The following UBAC2 variants were observed in gnomAD, a reference collection of about 807,000 sequenced individuals.
The protein encoded by UBAC2 is ubiquitin-associated domain-containing protein 2.
UBAC2 carries 26 observed loss-of-function variants against 44.0 expected under a neutral mutation model. The observed-to-expected ratio is 0.59, with a 90% CI of 0.43 to 0.82. The LOEUF is 0.82. UBAC2 is among the 40% of genes least tolerant of loss of function. UBAC2 has a pLI of 0.00. For missense variants in UBAC2, 329 were observed against 419.4 expected, an observed-to-expected ratio of 0.78 and a Z score of 1.88; for synonymous variants, 155 against 154.3, an observed-to-expected ratio of 1.00 and a Z score of -0.04.
At chr13:99,349,683 A>G (rs1198791531) in intron 7 of UBAC2, among the ~76,000 whole-genome samples, 1 of 152,232 alleles carries the variant, frequency 6.6e-6, no homozygotes, top group Non-Finnish European at 1.5e-5. Context: ...TGCACTTATA[A>G]GAAAGATCAA....
intron 7 of UBAC2, among the ~76,000 whole-genome samples, chr13:99,344,168 G>T (rs528423221): frequency 3.3e-5 from 5 of 152,304 alleles, no homozygotes; most frequent in Admixed American, 3.3e-4. Flanking sequence ...AGAGATGCAG[G>T]TATTCCCTCA....
chr13:99,223,017 A>G (rs2043067575), intron 1 of UBAC2, among the ~76,000 whole-genome samples: 1 of 152,166 alleles, frequency 6.6e-6, no homozygotes, highest in South Asian at 2.1e-4. Flanking sequence ...CAATTTCATA[A>G]TATCTGTAGG....
chr13:99,200,886 G>C lies in UBAC2; in HGVS notation c.-23G>C. 1.5e-6 allele frequency: 2 copies of C among 1,302,722 alleles called. No individual in the cohort carries two copies. Among genetic ancestry groups the C allele is most frequent in the Non-Finnish European group, 2.0e-6 (2 of 1,017,314 alleles). 80.7% of individuals were successfully genotyped at this position (1,302,722 alleles called of 1,614,324 possible). A position where few individuals can be genotyped will look rare whatever the true frequency, so the allele number is the denominator to read the frequency against. ...AGCTTCCCCTCCCCCGGCGCCCTCT[G>C]GGGCTCCGAGCCCGGCGGGACCATG... On this transcript the variant is annotated 5_prime_UTR_variant, in exon 1 of 9. Coordinates refer to ENST00000403766, the MANE Select transcript of UBAC2 (RefSeq NM_001144072.2).
intron 7 of UBAC2, among the ~76,000 whole-genome samples, chr13:99,366,981 A>C (rs2138893749): frequency 6.6e-6 from 1 of 152,378 alleles, no homozygotes; most frequent in East Asian, 1.9e-4. Flanking sequence ...TCAGGACTAG[A>C]AGACTTCTAG....
intron 4 of UBAC2, among the ~76,000 whole-genome samples, chr13:99,312,148 A>G (rs912819105): frequency 2.0e-5 from 3 of 152,246 alleles, no homozygotes; most frequent in African/African-American, 7.2e-5. Flanking sequence ...TGTTTTTAAC[A>G]GTAGAATTGA....
At chr13:99,202,919 GCA>G (rs2042822645) in intron 1 of UBAC2, among the ~76,000 whole-genome samples, 2 of 152,194 alleles carry the variant, frequency 1.3e-5, no homozygotes, top group African/African-American at 4.8e-5. Flanking sequence ...CGGAGCTTAG[GCA>G]CAGTTTTCCA....
At chr13:99,324,173 T>C (rs1405299717) in intron 6 of UBAC2, among the ~76,000 whole-genome samples, 1 of 152,206 alleles carries the variant, frequency 6.6e-6, no homozygotes, top group Non-Finnish European at 1.5e-5. Flanking sequence ...CAGACACTTG[T>C]GGTAGATTTT....
At chr13:99,363,760 AG>A (rs1028931932) in intron 7 of UBAC2, among the ~76,000 whole-genome samples, 4 of 152,200 alleles carry the variant, frequency 2.6e-5, no homozygotes, top group Admixed American at 6.5e-5. Context: ...TTTTTTCCAA[AG>A]GGGGAAAATG....
At chr13:99,283,578 C>T (rs1013908026) in intron 4 of UBAC2, among the ~76,000 whole-genome samples, 2 of 152,068 alleles carry the variant, frequency 1.3e-5, no homozygotes, top group Admixed American at 6.6e-5. Flanking sequence ...GTTGCTATTG[C>T]TGTGTTCTAC....
intron 1 of UBAC2, among the ~76,000 whole-genome samples, chr13:99,207,085 G>A (rs976471554): frequency 3.9e-5 from 6 of 152,326 alleles, no homozygotes; most frequent in Middle Eastern, 3.4e-3. Context: ...AGCCTGGCAC[G>A]TGGTTACAGC....
chr13:99,213,099 C>G (rs746746536), intron 1 of UBAC2, among the ~76,000 whole-genome samples: 3 of 151,920 alleles, frequency 2.0e-5, no homozygotes, highest in Admixed American at 6.6e-5. Flanking sequence ...CATGTATATA[C>G]ATATACATAT....
At chr13:99,228,917 G>A (rs2043142816) in intron 1 of UBAC2, among the ~76,000 whole-genome samples, 1 of 152,230 alleles carries the variant, frequency 6.6e-6, no homozygotes, top group Admixed American at 6.5e-5. Flanking sequence ...GCTTAGACAA[G>A]TACAATAACC....
intron 8 of UBAC2, among the ~76,000 whole-genome samples, chr13:99,381,836 A>G (rs2045555567): frequency 6.6e-6 from 1 of 152,208 alleles, no homozygotes; most frequent in African/African-American, 2.4e-5. Flanking sequence ...AATTCTGAGA[A>G]CCAAGTGGCA....
At chr13:99,350,787 G>T (rs1459465816) in intron 7 of UBAC2, among the ~76,000 whole-genome samples, 1 of 152,248 alleles carries the variant, frequency 6.6e-6, no homozygotes, top group African/African-American at 2.4e-5. Flanking sequence ...TAGGTCTGGC[G>T]ATTGCCATCT....
chr13:99,358,249 G>A (rs567771917), intron 7 of UBAC2, among the ~76,000 whole-genome samples: 10 of 152,332 alleles, frequency 6.6e-5, no homozygotes, highest in African/African-American at 2.4e-4. Context: ...GGGATGCATT[G>A]AGTAGCATCA....
intron 6 of UBAC2, among the ~76,000 whole-genome samples, chr13:99,338,206 T>C (rs911640724): frequency 2.0e-5 from 3 of 151,762 alleles, no homozygotes; most frequent in Non-Finnish European, 4.4e-5. Flanking sequence ...CACAGGTGTG[T>C]GCCACCACGC....
At chr13:99,251,557 T>A (rs189836372) in intron 4 of UBAC2, among the ~76,000 whole-genome samples, 217 of 152,312 alleles carry the variant, frequency 1.4e-3, no homozygotes, top group Non-Finnish European at 2.4e-3. Flanking sequence ...TTGAAAGCAT[T>A]CCATACAATG....
chr13:99,292,669 A>C (rs1274508599), intron 4 of UBAC2, among the ~76,000 whole-genome samples: 1 of 151,528 alleles, frequency 6.6e-6, no homozygotes, highest in East Asian at 1.9e-4. Context: ...CCTCTCGCTG[A>C]ATAGTCAGTG....
rs571879130 is a variant in UBAC2 at position 99,339,121 on chromosome 13, AGCCACCT to A, written c.562-1195_562-1189del. 7.5e-3 allele frequency among the ~76,000 whole-genome samples: 1,143 copies of A among 152,268 alleles called. 22 individuals are homozygous for A. Among genetic ancestry groups the A allele is most frequent in the Non-Finnish European group, 7.3e-3 (496 of 68,024 alleles). ...TTTTCCTTGAGTTCTAGAATTACAT[AGCCACCT>A]GCCCACTCAGTAGCCCCCCAAGATA... On this transcript the variant is annotated intron_variant, in intron 6 of 8. Transcript: ENST00000403766.
Sources: allele counts gnomAD v4.1 joint callset (sites outside exome capture counted in the v4.1 genomes callset), GRCh38; gene constraint gnomAD v4.1.1; transcripts MANE v1.5; gene names NCBI Gene and HGNC (gene_info 2026-07-23, HGNC 2026-07-21).